Variants in TNFRSF10B observed in about 807,000 individuals in gnomAD.
The protein encoded by TNFRSF10B is tumor necrosis factor receptor superfamily member 10B.
Under a neutral mutation model 41.4 loss-of-function variants are expected in TNFRSF10B, and 35 were observed. That is an observed-to-expected ratio of 0.85 (90% CI 0.65 to 1.12). The LOEUF (loss-of-function observed/expected upper bound fraction) is 1.12. Among genes scored for constraint, TNFRSF10B ranks in the 50% most tolerant of loss-of-function variants. The pLI is 0.00. For missense variants in TNFRSF10B, 584 were observed against 552.7 expected, an observed-to-expected ratio of 1.06 and a Z score of -0.57; for synonymous variants, 230 against 215.5, an observed-to-expected ratio of 1.07 and a Z score of -0.59.
At chr8:23,058,129 C>T (rs1445027432) in intron 1 of TNFRSF10B, among the ~76,000 whole-genome samples, 3 of 152,156 alleles carry the variant, frequency 2.0e-5, no homozygotes, top group Admixed American at 2.0e-4. Context: ...TGCCTGTAAT[C>T]CCAGCTACTT....
intron 3 of TNFRSF10B, 135 bp from the exon 4 acceptor site, chr8:23,029,856 C>T: frequency 1.3e-6 from 1 of 792,440 alleles, no homozygotes; most frequent in Non-Finnish European, 2.1e-6. Flanking sequence ...TCTGCACCAG[C>T]ACACTCATGG....
At chr8:23,023,242 G>T (rs543771656) in intron 8 of TNFRSF10B, among the ~76,000 whole-genome samples, 1 of 152,212 alleles carries the variant, frequency 6.6e-6, no homozygotes, top group African/African-American at 2.4e-5. Context: ...CCCACCAGGG[G>T]AGTATGGATG....
intron 1 of TNFRSF10B, among the ~76,000 whole-genome samples, chr8:23,046,887 A>G (rs1812380835): frequency 6.6e-6 from 1 of 152,204 alleles, no homozygotes; most frequent in Non-Finnish European, 1.5e-5. Context: ...GGTGTTAGGA[A>G]AGCTGGATAT....
chr8:23,032,378 T>G (rs1004559654), intron 2 of TNFRSF10B, among the ~76,000 whole-genome samples: 2 of 152,178 alleles, frequency 1.3e-5, no homozygotes, highest in South Asian at 4.1e-4. Context: ...GGGAGGAATC[T>G]CTATAGAGTC....
rs1475733741 is a variant in TNFRSF10B, at chr8:23,021,332, T to G, written c.*1339A>C. On this transcript the variant is annotated 3_prime_UTR_variant, in exon 9 of 9. Transcript: ENST00000276431. ...GGCCAAGGTCCTCAAGTAGGCAATC[T>G]GTACCCTAAAAGGCAGCTCATGGGC... The G allele has an allele frequency of 1.1e-5, 5 of 454,148 alleles. No homozygotes were observed. The highest frequency in any genetic ancestry group is 2.0e-5 in the African/African-American group (1 of 50,140). The allele number at this position is 454,148 out of a possible 1,614,324, so 28.1% of individuals were successfully genotyped here.
At chr8:23,044,201 G>C (rs2128816207) in intron 1 of TNFRSF10B, among the ~76,000 whole-genome samples, 1 of 152,218 alleles carries the variant, frequency 6.6e-6, no homozygotes, top group Non-Finnish European at 1.5e-5. Context: ...TAACATAAAA[G>C]TGAAAACCCT....
At chr8:23,030,706 T>C (rs1197060179) in intron 3 of TNFRSF10B, 53 bp downstream of exon 3, 4 of 1,406,452 alleles carry the variant, frequency 2.8e-6, no homozygotes, top group Non-Finnish European at 4.0e-6. Context: ...CTACAACTTT[T>C]ATGTCATCAC....
chr8:23,034,689 GC>G (rs1672109859), intron 2 of TNFRSF10B, among the ~76,000 whole-genome samples: 1 of 152,166 alleles, frequency 6.6e-6, no homozygotes, highest in African/African-American at 2.4e-5. Flanking sequence ...TTGTGCCACT[GC>G]ACTCCAGCCT....
At chr8:23,050,414 A>G (rs1413490359) in intron 1 of TNFRSF10B, among the ~76,000 whole-genome samples, 1 of 152,164 alleles carries the variant, frequency 6.6e-6, no homozygotes, top group Non-Finnish European at 1.5e-5. Context: ...AATGATTGGG[A>G]GTCAGCTTAA....
chr8:23,064,869 C>A (rs1812936399), intron 1 of TNFRSF10B, among the ~76,000 whole-genome samples: 2 of 152,212 alleles, frequency 1.3e-5, no homozygotes, highest in Admixed American at 1.3e-4. Flanking sequence ...GAACTTTAAA[C>A]ACATGCTCTG....
intron 2 of TNFRSF10B, among the ~76,000 whole-genome samples, chr8:23,038,232 GA>G (rs1812076541): frequency 6.6e-6 from 1 of 152,182 alleles, no homozygotes; most frequent in African/African-American, 2.4e-5. Flanking sequence ...AAAGTCAATG[GA>G]AAACTACCAC....
In TNFRSF10B at chr8:23,022,679, T is replaced by C. The variant is rs773078621; in HGVS notation, c.1315A>G (p.Met439Val). Residue 439 changes from methionine (M) to valine (V), a missense_variant, in exon 9 of 9, where the codon ATG becomes GTG. Physicochemically the swap from Met to Val is conservative, Grantham distance 21. Coordinates refer to ENST00000276431, the MANE Select transcript of TNFRSF10B (RefSeq NM_003842.5). ...CCTGAAGAGAATCACACTTAGGACA[T>C]GGCAGAGTCTGCATTACCTTCTAGA... The part of the protein sequence containing the change: ...MYLEGNADSA[M>V]S 7 of 1,614,070 alleles carry C rather than the reference T, an allele frequency of 4.3e-6. No homozygotes were observed. The South Asian group carries it at 6.6e-5, about 15-fold the overall frequency.
chr8:23,064,536 CAAG>C lies in TNFRSF10B; in HGVS notation c.144+4212_144+4214del, dbSNP rs545946537. On this transcript the variant is annotated intron_variant, in intron 1 of 8. Transcript: ENST00000276431. ...GCATGGTTAAGAGAGAGAAGGAAAA[CAAG>C]AAGAAGGGAGGTCAGGGGTTTGGCT... Among the ~76,000 whole-genome samples, 38 of 152,186 alleles carry C rather than the reference CAAG, an allele frequency of 2.5e-4. No individual in the cohort carries two copies. In the East Asian group the frequency reaches 3.1e-3, roughly 12 times the overall value.
At chr8:23,049,707 C>T (rs999172318) in intron 1 of TNFRSF10B, 1 of 152,156 alleles carries the variant, frequency 6.6e-6, no homozygotes, top group Admixed American at 6.5e-5. Context: ...TCCTTGTAAC[C>T]AGTTACAGAA....
Position 23,041,317 on chromosome 8 carries a change from G to A in TNFRSF10B, c.250+1821C>T, listed in dbSNP as rs148226089. Among the ~76,000 whole-genome samples the A allele has an allele frequency of 5.2e-3, 790 of 152,140 alleles. 6 individuals carry two copies. The highest frequency in any genetic ancestry group is 0.018 in the African/African-American group (745 of 41,510). ...AGTGATTTGCCCACCTTGGCCTCTC[G>A]AAGTGCTGGGATTACAGGTGTGAGT... On this transcript the variant is annotated intron_variant, in intron 2 of 8. Coordinates refer to ENST00000276431, the MANE Select transcript of TNFRSF10B (RefSeq NM_003842.5).
rs1205404238 is a variant in TNFRSF10B at position 23,022,102 on chromosome 8, T to C, written c.*569A>G. 4 of 422,462 alleles carry C rather than the reference T, an allele frequency of 9.5e-6. No individual in the cohort carries two copies. Among genetic ancestry groups the C allele is most frequent in the African/African-American group, 4.1e-5 (2 of 48,294 alleles). The allele number at this position is 422,462 out of a possible 1,614,324, so 26.2% of individuals were successfully genotyped here. On this transcript the variant is annotated 3_prime_UTR_variant, in exon 9 of 9. Coordinates refer to ENST00000276431, the MANE Select transcript of TNFRSF10B (RefSeq NM_003842.5). The stretch of plus-strand genomic sequence containing the variant: ...AGAGAGCCCCTATATCTAGACAAAA[T>C]ACAAAAAATTAGCCGGGCGTGGTGG...
intron 1 of TNFRSF10B, among the ~76,000 whole-genome samples, chr8:23,052,436 C>A (rs55776403): frequency 0.014 from 2,073 of 152,118 alleles, 40 homozygotes; most frequent in African/African-American, 0.047. Flanking sequence ...CAGGTGCCCA[C>A]CACCACGCCT....
intron 1 of TNFRSF10B, among the ~76,000 whole-genome samples, chr8:23,048,440 A>C (rs1188543474): frequency 1.0e-5 from 1 of 95,240 alleles, no homozygotes; most frequent in Non-Finnish European, 2.7e-5. Context: ...TTTGTGTCAA[A>C]AAAAAAAAAA....
At chr8:23,027,606 C>G in intron 6 of TNFRSF10B, 116 bp downstream of exon 6, 1 of 1,468,500 alleles carries the variant, frequency 6.8e-7, no homozygotes, top group Non-Finnish European at 9.4e-7. Flanking sequence ...ACCCAGGCCA[C>G]TTCAGAGAGT....
Sources: gnomAD v4.1 joint callset for allele counts (sites outside exome capture counted in the v4.1 genomes callset) on GRCh38, gnomAD v4.1.1 for gene constraint, MANE v1.5 for transcripts, NCBI Gene and HGNC (gene_info 2026-07-23, HGNC 2026-07-21) for gene names.